PGM2: variants seen among roughly 807,000 people sequenced by gnomAD.
The protein encoded by PGM2 is phosphopentomutase.
Under a neutral mutation model 74.6 loss-of-function variants are expected in PGM2, and 57 were observed. The observed-to-expected ratio is 0.76, with a 90% confidence interval of 0.62 to 0.95. PGM2 has a LOEUF of 0.95. Among genes scored for constraint, PGM2 ranks in the 40% least tolerant of loss-of-function variants. The probability of loss-of-function intolerance (pLI) is 0.00; values close to 1 mark genes in which losing one functional copy is unlikely to be tolerated. For missense variants in PGM2, 706 were observed against 741.9 expected (o/e 0.95, Z 0.56); for synonymous variants, 273 against 260.7 (o/e 1.05, Z -0.46).
In PGM2 at chr4:37,840,138, C is replaced by A; in HGVS notation, c.598C>A (p.Leu200Ile). The part of the protein sequence containing the change: ...KGISQAIEEN[L>I]EPWPQAWDDS... ...GATTTCTCAAGCTATTGAAGAAAATCTAGAACCGTGGCCTCAAGCTTGGGA... is the reference window on the plus strand; with the variant it reads ...GATTTCTCAAGCTATTGAAGAAAATATAGAACCGTGGCCTCAAGCTTGGGA... Residue 200 changes from leucine (L) to isoleucine (I), a missense_variant, in exon 6 of 14, where the codon CTA becomes ATA. Leu to Ile is a conservative substitution (Grantham distance 5, BLOSUM62 2). Transcript: ENST00000381967. 1 of 1,613,580 alleles carries A rather than the reference C, an allele frequency of 6.2e-7. No individual in the cohort carries two copies. Among genetic ancestry groups the A allele is most frequent in the Non-Finnish European group, 8.5e-7 (1 of 1,179,482 alleles).
In PGM2 at chr4:37,844,495, C is replaced by T. The variant is rs1336862515; in HGVS notation, c.851C>T (p.Pro284Leu). Residue 284 changes from proline to leucine, a missense_variant, in exon 7 of 14, where the codon CCG (proline) becomes CTG (leucine). Transcript: ENST00000381967. ...PPEAVPEQKD[P>L]DPEFPTVKYP... ...GAGGCTGTTCCTGAACAGAAAGATC[C>T]GGATCCTGAGTTTCCAACAGTGAAA... is the stretch of plus-strand genomic sequence containing the variant. 1.8e-5 allele frequency: 29 copies of T among 1,613,670 alleles called. No homozygotes were observed. Among genetic ancestry groups the T allele is most frequent in the Non-Finnish European group, 2.4e-5 (28 of 1,179,742 alleles).
chr4:37,838,199 T>G (rs1042229412), intron 4 of PGM2, among the ~76,000 whole-genome samples: 1 of 152,202 alleles, frequency 6.6e-6, no homozygotes, highest in Non-Finnish European at 1.5e-5. Flanking sequence ...GTTTTTAAAT[T>G]TGGTTTGTAG....
chr4:37,860,381 C>G (rs1469736602), intron 13 of PGM2, among the ~76,000 whole-genome samples: 1 of 152,176 alleles, frequency 6.6e-6, no homozygotes, highest in East Asian at 1.9e-4. Flanking sequence ...AGGTTCAGTG[C>G]TAATTGCTTT....
intron 3 of PGM2, among the ~76,000 whole-genome samples, chr4:37,836,513 C>T (rs56144710): frequency 0.3 from 45,547 of 152,042 alleles, 8,749 homozygotes; most frequent in Non-Finnish European, 0.43. Context: ...ATGCAGAGAA[C>T]GCATTGCATT....
chr4:37,828,329 T>A (rs949049743), intron 1 of PGM2, among the ~76,000 whole-genome samples: 1 of 152,076 alleles, frequency 6.6e-6, no homozygotes, highest in East Asian at 1.9e-4. Flanking sequence ...TGTATTTCTC[T>A]GGGTAGAGAT....
Position 37,847,082 on chromosome 4 carries a change from A to G in PGM2, c.1159A>G (p.Ile387Val), listed in dbSNP as rs748853806. 1.2e-6 allele frequency: 2 copies of G among 1,613,710 alleles called. No homozygotes were observed. The highest frequency in any genetic ancestry group is 1.7e-6 in the Non-Finnish European group (2 of 1,179,728). Residue 387 changes from isoleucine (I) to valine (V), a missense_variant, in exon 9 of 14, where the codon ATT becomes GTT. Around this residue, in one of 3 missense-constraint regions of PGM2, gnomAD observed 359 missense variants for 371.1 expected, o/e 0.97. Transcript: ENST00000381967. ...STVSSKILRAIALKEGFHFEE... is the reference protein window; with the variant it reads ...STVSSKILRAVALKEGFHFEE... ...CGTCTCCTCCAAAATCTTGCGGGCC[A>G]TTGCCTTAAAGGAAGGTTTTCATTT...
In PGM2 at chr4:37,861,721, G is replaced by C. The variant is rs1399233110; in HGVS notation, c.*109G>C. ...GATTCAAAACATCACAGGTATTTAT[G>C]TGTTTTACAAAGACCTACATTCCTC... On this transcript the variant is annotated 3_prime_UTR_variant, in exon 14 of 14. Transcript: ENST00000381967. The C allele has an allele frequency of 1.6e-5, 11 of 696,098 alleles. No homozygotes were observed. Among genetic ancestry groups the C allele is most frequent in the Non-Finnish European group, 2.6e-5 (10 of 382,520 alleles). 43.1% of individuals were successfully genotyped at this position (696,098 alleles called of 1,614,324 possible). A position where few individuals can be genotyped will look rare whatever the true frequency, so the allele number is the denominator to read the frequency against.
rs767958471 is a variant in PGM2 at position 37,837,551 on chromosome 4, A to G, written c.379A>G (p.Thr127Ala). The G allele has an allele frequency of 6.2e-7, 1 of 1,613,228 alleles. No homozygotes were observed. The highest frequency in any genetic ancestry group is 2.2e-5 in the East Asian group (1 of 44,880). Residue 127 changes from threonine to alanine, a missense_variant, in exon 4 of 14, where the codon ACA (threonine) becomes GCA (alanine). Coordinates refer to ENST00000381967, the MANE Select transcript of PGM2 (RefSeq NM_018290.4). ...SRRFARLAAT[T>A]FISQGIPVYL... ...CAGGTTTGCCCGACTTGCTGCAACCACATTTATCAGTCAGGGGATTCCTGT... is the reference window on the plus strand; with the variant it reads ...CAGGTTTGCCCGACTTGCTGCAACCGCATTTATCAGTCAGGGGATTCCTGT...
At chr4:37,844,998 A>G (rs1216633816) in intron 7 of PGM2, among the ~76,000 whole-genome samples, 2 of 151,168 alleles carry the variant, frequency 1.3e-5, no homozygotes, top group Non-Finnish European at 3.0e-5. Flanking sequence ...AAAAAAAACA[A>G]GAAGTATGTA....
intron 3 of PGM2, 42 bp downstream of exon 3, chr4:37,834,766 T>A: frequency 1.0e-6 from 1 of 991,928 alleles, no homozygotes; most frequent in Non-Finnish European, 1.6e-6. Flanking sequence ...TATAATTTAT[T>A]TTGCAGTTTT....
intron 6 of PGM2, among the ~76,000 whole-genome samples, chr4:37,842,138 A>G (rs1725746355): frequency 6.7e-6 from 1 of 149,896 alleles, no homozygotes; most frequent in Non-Finnish European, 1.5e-5. Context: ...TTATATTTAT[A>G]AACATCTTTG....
In PGM2 at chr4:37,850,314, AT is replaced by A. The variant is rs1413607685; in HGVS notation, c.1546del (p.Ser516LeufsTer29). 6.3e-7 allele frequency: 1 copy of A among 1,592,026 alleles called. No homozygotes were observed. Among genetic ancestry groups the A allele is most frequent in the Non-Finnish European group, 8.5e-7 (1 of 1,174,016 alleles). ...NYPKACGKFEISAIRDLTTGY... is the reference protein window; with the variant it reads ...NYPKACGKFEXSAIRDLTTGY... Reference sequence around the variant, plus strand: ...TCCAAAAGCTTGTGGCAAATTTGAAATTTCTGCCATTAGGGACCTTACAACT... The same window carrying A: ...TCCAAAAGCTTGTGGCAAATTTGAAATTCTGCCATTAGGGACCTTACAACT... On this transcript the variant is annotated frameshift_variant, in exon 12 of 14. Transcript: ENST00000381967. LOFTEE classifies it high-confidence loss of function.
intron 1 of PGM2, 69 bp from the exon 2 acceptor site, chr4:37,829,895 G>T (rs1725394818): frequency 2.5e-6 from 2 of 797,382 alleles, no homozygotes; most frequent in Admixed American, 2.9e-5. Flanking sequence ...TAGAATGATT[G>T]TGAATTTTTT....
At chr4:37,844,606 T>C in intron 7 of PGM2, 53 bp downstream of exon 7, 1 of 1,053,326 alleles carries the variant, frequency 9.5e-7, no homozygotes, top group Non-Finnish European at 1.4e-6. Context: ...TCAAAACTAT[T>C]ACTGTCAAGT....
intron 1 of PGM2, among the ~76,000 whole-genome samples, chr4:37,829,511 A>G (rs558442880): frequency 1.4e-3 from 214 of 152,366 alleles, no homozygotes; most frequent in Non-Finnish European, 2.3e-3. Flanking sequence ...TGGACATTTA[A>G]TCACAACTAA....
chr4:37,849,018 C>T (rs986253016), intron 11 of PGM2, among the ~76,000 whole-genome samples: 20 of 149,174 alleles, frequency 1.3e-4, no homozygotes, highest in African/African-American at 4.7e-4. Flanking sequence ...TGCAGTGAGC[C>T]GAGATCGCGC....
intron 10 of PGM2, among the ~76,000 whole-genome samples, chr4:37,847,801 A>G (rs143537013): frequency 3.3e-5 from 5 of 152,362 alleles, no homozygotes; most frequent in African/African-American, 1.2e-4. Flanking sequence ...CTGTCAATAT[A>G]AATGAACAGA....
chr4:37,839,478 T>C (rs1394879160), intron 4 of PGM2: 6 of 448,120 alleles, frequency 1.3e-5, no homozygotes, highest in Admixed American at 5.0e-5. Flanking sequence ...GGAGAAGCAG[T>C]TGGAGGGAGT....
chr4:37,860,304 T>A (rs1441824683), intron 13 of PGM2, among the ~76,000 whole-genome samples: 1 of 152,238 alleles, frequency 6.6e-6, no homozygotes, highest in African/African-American at 2.4e-5. Flanking sequence ...GCATAATTAC[T>A]TTATATGTTG....
Sources: gnomAD v4.1 joint callset for allele counts (sites outside exome capture counted in the v4.1 genomes callset) on GRCh38, gnomAD v4.1.1 for gene constraint, gnomAD v4.1.1 regional missense constraint, MANE v1.5 for transcripts, NCBI Gene and HGNC (gene_info 2026-07-23, HGNC 2026-07-21) for gene names.